Variants in AK2 observed in about 807,000 individuals in gnomAD.
AK2 encodes the protein adenylate kinase 2, mitochondrial.
Under a neutral mutation model 24.6 loss-of-function variants are expected in AK2, and 15 were observed. The ratio of observed to expected loss-of-function variants is 0.61; its 90% CI spans 0.41 to 0.94. AK2 has a LOEUF of 0.94. Ranked by LOEUF, AK2 falls within the 40% of genes least tolerant of loss-of-function variation. The pLI is 0.00. For missense variants in AK2, 257 were observed against 304.1 expected (o/e 0.85, Z 1.15); for synonymous variants, 102 against 114.0 (o/e 0.90, Z 0.67).
At chr1:33,034,308 C>T (rs994371190) in intron 1 of AK2, among the ~76,000 whole-genome samples, 1 of 152,086 alleles carries the variant, frequency 6.6e-6, no homozygotes, top group Admixed American at 6.6e-5. Context: ...TTCTTCTAAA[C>T]TTCCTGAATA....
At chr1:33,031,826 A>C (rs562656410) in intron 1 of AK2, 1 of 378,910 alleles carries the variant, frequency 2.6e-6, no homozygotes, top group East Asian at 7.4e-5. Context: ...TGGCAAAAAA[A>C]CCAAGAAACA....
Position 33,009,172 on chromosome 1 carries a change from A to C in AK2, c.*4009T>G. On this transcript the variant is annotated 3_prime_UTR_variant, in exon 6 of 6. Transcript: ENST00000672715. Reference sequence around the variant, plus strand: ...GCCTCTCTCTGTAACAAGATGCCTAAAGAAGAATAGTGGTGCTTCCAGCCC... The same window carrying C: ...GCCTCTCTCTGTAACAAGATGCCTACAGAAGAATAGTGGTGCTTCCAGCCC... 1 of 452,628 alleles carries C rather than the reference A, an allele frequency of 2.2e-6. No homozygotes were observed. The highest frequency in any genetic ancestry group is 4.4e-6 in the Non-Finnish European group (1 of 226,038). The allele number at this position is 452,628 out of a possible 1,614,324, so 28.0% of individuals were successfully genotyped here. A position where few individuals can be genotyped will look rare whatever the true frequency, so the allele number is the denominator to read the frequency against.
chr1:33,011,076 G>T lies in AK2; in HGVS notation c.*2105C>A. The stretch of plus-strand genomic sequence containing the variant: ...ATGAATCTTCCAGTTCTTATGGGCA[G>T]CCCAAATATTACTTGTACATGTTGT... On this transcript the variant is annotated 3_prime_UTR_variant, in exon 6 of 6. Transcript: ENST00000672715. The T allele has an allele frequency of 6.9e-7, 1 of 1,441,388 alleles. No homozygotes were observed. The highest frequency in any genetic ancestry group is 9.1e-7 in the Non-Finnish European group (1 of 1,103,682). 89.3% of individuals were successfully genotyped at this position (1,441,388 alleles called of 1,614,324 possible). A position where few individuals can be genotyped will look rare whatever the true frequency, so the allele number is the denominator to read the frequency against.
rs376489452 is a variant in AK2, at chr1:33,026,158, C to T, written c.94-1591G>A. Among the ~76,000 whole-genome samples, 52 of 152,282 alleles carry T rather than the reference C, an allele frequency of 3.4e-4. No individual in the cohort carries two copies. In the South Asian group the frequency reaches 0.011, roughly 31 times the overall value. On this transcript the variant is annotated intron_variant, in intron 1 of 5. Transcript: ENST00000672715. ...TTATAAACTAAGCAGGTTTAGATCCCGATTCCAACAAATCAGTTCACTGGG... is the reference window on the plus strand; with the variant it reads ...TTATAAACTAAGCAGGTTTAGATCCTGATTCCAACAAATCAGTTCACTGGG...
chr1:33,020,769 G>T (rs1032042439), intron 4 of AK2, among the ~76,000 whole-genome samples: 1 of 151,832 alleles, frequency 6.6e-6, no homozygotes, highest in Non-Finnish European at 1.5e-5. Context: ...TACTTGAACC[G>T]GGGAGGCAGA....
At chr1:33,028,509 A>G (rs1056473649) in intron 1 of AK2, among the ~76,000 whole-genome samples, 1 of 152,098 alleles carries the variant, frequency 6.6e-6, no homozygotes, top group South Asian at 2.1e-4. Flanking sequence ...CTCAAGAAAA[A>G]AAAAAAAAAA....
At position 33,031,380 on chromosome 1, in the gene AK2, TTC is replaced by T. The variant is rs1363304031; in HGVS notation, c.93+5354_93+5355del. On this transcript the variant is annotated intron_variant, in intron 1 of 5. Transcript: ENST00000672715. ...GCAAGATAAAGCCTCTGAGCTCAGT[TTC>T]TCTGTCAGTAAAAAGGACCTATCTC... The T allele has an allele frequency of 2.0e-5, 6 of 303,172 alleles. No individual in the cohort carries two copies. The Admixed American group carries it at 2.5e-4, about 13-fold the overall frequency. 18.8% of individuals were successfully genotyped at this position (303,172 alleles called of 1,614,324 possible).
At chr1:33,036,072 C>G (rs914695649) in intron 1 of AK2, among the ~76,000 whole-genome samples, 1 of 152,156 alleles carries the variant, frequency 6.6e-6, no homozygotes, top group Non-Finnish European at 1.5e-5. Context: ...CAAGCCAGGT[C>G]CCATGAGCAC....
In AK2 at chr1:33,014,707, C is replaced by T. The variant is rs56014743; in HGVS notation, c.426-113G>A. The T allele has an allele frequency of 5.3e-3, 4,427 of 839,904 alleles. 20 individuals carry two copies. Among genetic ancestry groups the T allele is most frequent in the Non-Finnish European group, 7.9e-3 (3,916 of 498,322 alleles). 52.0% of individuals were successfully genotyped at this position (839,904 alleles called of 1,614,324 possible). ...GATAGGGACGCTGGATGCAAGGACC[C>T]AGCACCCAGCAGAAAATCCAGCTAA... is the stretch of plus-strand genomic sequence containing the variant. On this transcript the variant is annotated intron_variant, in intron 4 of 5. Transcript: ENST00000672715.
chr1:33,021,510 C>T, intron 3 of AK2, 49 bp from the exon 4 acceptor site: 1 of 1,605,480 alleles, frequency 6.2e-7, no homozygotes. Context: ...TTGGTTAGAC[C>T]CATCTCCTTC....
intron 4 of AK2, among the ~76,000 whole-genome samples, chr1:33,020,878 G>A (rs10914642): frequency 0.22 from 32,430 of 149,224 alleles, 4,292 homozygotes; most frequent in Admixed American, 0.36. Context: ...CAGGCACAGT[G>A]GCTCAAGCGT....
chr1:33,034,180 G>T (rs1411796994), intron 1 of AK2, among the ~76,000 whole-genome samples: 1 of 152,096 alleles, frequency 6.6e-6, no homozygotes, highest in African/African-American at 2.4e-5. Context: ...TAAATGACTT[G>T]TGTAAATCTT....
intron 4 of AK2, among the ~76,000 whole-genome samples, chr1:33,015,988 T>A (rs964309637): frequency 2.6e-5 from 4 of 152,120 alleles, no homozygotes; most frequent in African/African-American, 9.7e-5. Context: ...ACAGCATATT[T>A]TGGGGGGACA....
chr1:33,031,421 A>G (rs1038413015), intron 1 of AK2: 1 of 355,066 alleles, frequency 2.8e-6, no homozygotes, highest in African/African-American at 2.1e-5. Context: ...GTGTTATAGG[A>G]TTAAATCAGA....
rs1638680224 is a variant in AK2 at position 33,009,686 on chromosome 1, C to T, written c.*3495G>A. ...GATTTGTCCTAGGTCCCCTGAACTC[C>T]AAGCACAGTGCTATCTCCACTAGAC... On this transcript the variant is annotated 3_prime_UTR_variant, in exon 6 of 6. Transcript: ENST00000672715. 2.2e-6 allele frequency: 1 copy of T among 453,982 alleles called. No individual in the cohort carries two copies. Among genetic ancestry groups the T allele is most frequent in the African/African-American group, 2.0e-5 (1 of 49,988 alleles). The allele number at this position is 453,982 out of a possible 1,614,324, so 28.1% of individuals were successfully genotyped here. A position where few individuals can be genotyped will look rare whatever the true frequency, so the allele number is the denominator to read the frequency against.
At chr1:33,033,432 G>T (rs1420283184) in intron 1 of AK2, among the ~76,000 whole-genome samples, 1 of 152,124 alleles carries the variant, frequency 6.6e-6, no homozygotes, top group East Asian at 1.9e-4. Flanking sequence ...GAGGTGGGAG[G>T]ACTGAGGCTG....
chr1:33,013,450 T>C, intron 5 of AK2, 48 bp from the exon 6 acceptor site: 1 of 1,580,214 alleles, frequency 6.3e-7, no homozygotes, highest in Non-Finnish European at 8.6e-7. Flanking sequence ...TTAGCAAGGT[T>C]TTCTTATTCC....
intron 1 of AK2, chr1:33,031,511 C>T (rs1640233336): frequency 2.2e-6 from 1 of 452,028 alleles, no homozygotes; most frequent in Non-Finnish European, 4.5e-6. Flanking sequence ...ATTACACCCT[C>T]CTGACATGCA....
intron 1 of AK2, among the ~76,000 whole-genome samples, chr1:33,027,875 T>G (rs1640000039): frequency 6.6e-6 from 1 of 152,192 alleles, no homozygotes; most frequent in African/African-American, 2.4e-5. Context: ...AGATTTACAC[T>G]TGATTCCTAG....
Sources: allele counts gnomAD v4.1 joint callset (sites outside exome capture counted in the v4.1 genomes callset), GRCh38; gene constraint gnomAD v4.1.1; transcripts MANE v1.5; gene names NCBI Gene and HGNC (gene_info 2026-07-23, HGNC 2026-07-21).